Variants in RBFOX1 observed in about 807,000 individuals in gnomAD.
RBFOX1 encodes the protein RNA binding protein fox-1 homolog 1.
RBFOX1 carries 8 observed loss-of-function variants against 57.7 expected under a neutral mutation model. The ratio of observed to expected loss-of-function variants is 0.14; its 90% CI spans 0.08 to 0.25. The LOEUF (loss-of-function observed/expected upper bound fraction) is 0.25. RBFOX1 is among the 10% of genes least tolerant of loss of function. The pLI is 1.00. For synonymous variants in RBFOX1, 326 were observed against 222.4 expected (o/e 1.47, Z -4.15); for missense variants, 611 against 548.5 (o/e 1.11, Z -1.14).
At chr16:6,728,586 G>A (rs1469874326) in intron 3 of RBFOX1, among the ~76,000 whole-genome samples, 1 of 152,156 alleles carries the variant, frequency 6.6e-6, no homozygotes, top group African/African-American at 2.4e-5. Context: ...ACTCAATATA[G>A]GGAAGCAGTG....
At chr16:7,374,200 T>C (rs745324228) in intron 4 of RBFOX1, among the ~76,000 whole-genome samples, 13 of 152,164 alleles carry the variant, frequency 8.5e-5, no homozygotes, top group Admixed American at 2.0e-4. Context: ...GCATGAATTT[T>C]GGGGATTCAA....
At chr16:7,537,703 C>T (rs1302827911) in intron 5 of RBFOX1, among the ~76,000 whole-genome samples, 3 of 152,154 alleles carry the variant, frequency 2.0e-5, no homozygotes, top group African/African-American at 7.2e-5. Flanking sequence ...CATCCAGGCC[C>T]TTATGCTTGG....
intron 4 of RBFOX1, among the ~76,000 whole-genome samples, chr16:7,096,592 G>T (rs1205725937): frequency 1.3e-5 from 2 of 152,102 alleles, no homozygotes; most frequent in African/African-American, 4.8e-5. Context: ...CCAACCCTGT[G>T]TAAAATATTT....
chr16:5,916,246 G>A (rs2043629), intron 4 of RBFOX1, among the ~76,000 whole-genome samples: 62,966 of 151,706 alleles, frequency 0.42, 13,173 homozygotes, highest in Middle Eastern at 0.6. Flanking sequence ...GTAACAGGTT[G>A]GAAAGCTTTA....
At chr16:7,671,025 G>T (rs749628167) in intron 13 of RBFOX1, among the ~76,000 whole-genome samples, 1 of 152,252 alleles carries the variant, frequency 6.6e-6, no homozygotes, top group Non-Finnish European at 1.5e-5. Flanking sequence ...GTATTAAAAG[G>T]AGCCATCGTA....
At chr16:5,456,101 A>G (rs529979981) in intron 1 of RBFOX1, among the ~76,000 whole-genome samples, 1 of 152,246 alleles carries the variant, frequency 6.6e-6, no homozygotes, top group African/African-American at 2.4e-5. Flanking sequence ...ATTATGGCAT[A>G]TATCATTTTT....
At chr16:7,436,222 T>C (rs71374944) in intron 4 of RBFOX1, among the ~76,000 whole-genome samples, 1 of 152,304 alleles carries the variant, frequency 6.6e-6, no homozygotes, top group Non-Finnish European at 1.5e-5. Context: ...ATTGTTTTTG[T>C]TTTTATTTTT....
chr16:6,176,066 T>A (rs1214662459), intron 1 of RBFOX1, among the ~76,000 whole-genome samples: 3 of 152,164 alleles, frequency 2.0e-5, no homozygotes, highest in Non-Finnish European at 4.4e-5. Flanking sequence ...ACTATTGGTT[T>A]CATAGTGATG....
intron 1 of RBFOX1, among the ~76,000 whole-genome samples, chr16:6,087,169 C>G (rs1233864013): frequency 1.3e-5 from 2 of 152,166 alleles, no homozygotes; most frequent in East Asian, 1.9e-4. Context: ...TTCATTCTCA[C>G]TAGGTATTAT....
At chr16:5,709,843 ATTTTTTTTTTTTT>A (rs35733374) in intron 3 of RBFOX1, among the ~76,000 whole-genome samples, 52 of 12,238 alleles carry the variant, frequency 4.2e-3, no homozygotes, top group South Asian at 6.5e-3. Context: ...ATATATATAT[ATTTTTTTTTTTTT>A]TTTTTTTTTT....
At chr16:6,320,694 G>A (rs1212471281) in intron 2 of RBFOX1, among the ~76,000 whole-genome samples, 2 of 151,938 alleles carry the variant, frequency 1.3e-5, no homozygotes, top group African/African-American at 2.4e-5. Context: ...GCAGCCAGAC[G>A]GAGCAAGTGA....
chr16:6,175,754 T>G lies in RBFOX1; in HGVS notation c.-126-141241T>G, dbSNP rs149676140. 4.6e-5 allele frequency among the ~76,000 whole-genome samples: 7 copies of G among 152,270 alleles called. No individual in the cohort carries two copies. In the East Asian group the frequency reaches 1.4e-3, roughly 29 times the overall value. ...GTGCCGCTGCTGCTGGTTGTACTGG[T>G]CTGTGGACTGCACTTTGAGTAGCCA... On this transcript the variant is annotated intron_variant, in intron 1 of 15. Coordinates refer to ENST00000550418, the MANE Select transcript of RBFOX1 (RefSeq NM_018723.4).
At chr16:5,363,986 A>G (rs751147495) in intron 1 of RBFOX1, among the ~76,000 whole-genome samples, 1 of 152,158 alleles carries the variant, frequency 6.6e-6, no homozygotes, top group Non-Finnish European at 1.5e-5. Context: ...CAGTGTGTGC[A>G]ATCAGTTTCC....
Position 6,923,945 on chromosome 16 carries a change from A to G in RBFOX1, c.-15-128112A>G, listed in dbSNP as rs574942361. The stretch of plus-strand genomic sequence containing the variant: ...CAGCACTTTGGAGGCTGAGTCAGGC[A>G]GATCACCTGAAGTTAGGAGTTTGAG... On this transcript the variant is annotated intron_variant, in intron 3 of 15. Coordinates refer to ENST00000550418, the MANE Select transcript of RBFOX1 (RefSeq NM_018723.4). Among the ~76,000 whole-genome samples the G allele has an allele frequency of 1.5e-4, 23 of 152,088 alleles. No individual in the cohort carries two copies. The East Asian group carries it at 4.5e-3, about 30-fold the overall frequency.
chr16:5,872,460 G>A (rs558619350), intron 4 of RBFOX1, among the ~76,000 whole-genome samples: 1 of 152,346 alleles, frequency 6.6e-6, no homozygotes, highest in South Asian at 2.1e-4. Flanking sequence ...GCTGGGCATG[G>A]TGGCTCACAC....
At chr16:6,419,858 A>C (rs1286823445) in intron 2 of RBFOX1, among the ~76,000 whole-genome samples, 5 of 152,204 alleles carry the variant, frequency 3.3e-5, no homozygotes, top group Non-Finnish European at 7.3e-5. Flanking sequence ...AGTTAATTGA[A>C]GGTGGAGGTC....
At chr16:5,765,495 G>T (rs2053744319) in intron 3 of RBFOX1, among the ~76,000 whole-genome samples, 1 of 152,180 alleles carries the variant, frequency 6.6e-6, no homozygotes, top group African/African-American at 2.4e-5. Context: ...GAGGCGTAAA[G>T]ACATTTTATG....
chr16:6,454,837 A>C (rs371738944), intron 2 of RBFOX1, among the ~76,000 whole-genome samples: 2 of 120,894 alleles, frequency 1.7e-5, no homozygotes, highest in African/African-American at 6.5e-5. Flanking sequence ...ATTCTCTCAT[A>C]CTCTATTTCT....
intron 3 of RBFOX1, among the ~76,000 whole-genome samples, chr16:6,881,396 TC>T (rs2062903031): frequency 6.6e-6 from 1 of 152,076 alleles, no homozygotes; most frequent in Admixed American, 6.6e-5. Context: ...AGACTAGAAG[TC>T]CAGAATGAAG....
Sources: gnomAD v4.1 joint callset for allele counts (sites outside exome capture counted in the v4.1 genomes callset) on GRCh38, gnomAD v4.1.1 for gene constraint, MANE v1.5 for transcripts, NCBI Gene and HGNC (gene_info 2026-07-23, HGNC 2026-07-21) for gene names.